Variants in DPH1 observed in about 807,000 individuals in gnomAD.
DPH1 encodes 2-(3-amino-3-carboxypropyl)histidine synthase subunit 1.
A neutral mutation model predicts 55.3 loss-of-function variants in DPH1; 59 were observed. The observed-to-expected ratio is 1.07, with a 90% CI of 0.87 to 1.33. The LOEUF is 1.33. Among genes scored for constraint, DPH1 ranks in the 40% most tolerant of loss-of-function variants. DPH1 has a pLI of 0.00. For synonymous variants in DPH1, 238 were observed against 235.5 expected (o/e 1.01, Z -0.10); for missense variants, 628 against 584.8 (o/e 1.07, Z -0.76).
chr17:2,039,935 A>T, intron 7 of DPH1, 112 bp downstream of exon 7: 3 of 1,503,248 alleles, frequency 2.0e-6, no homozygotes, highest in Admixed American at 3.4e-5. Flanking sequence ...CACCAGCCCT[A>T]AGGGTCTGAG....
At position 2,036,294 on chromosome 17, in the gene DPH1, G is replaced by C; in HGVS notation, c.400+203G>C. ...GCCTTGGCAACGGTGCTCTGTCCCAGATGCAGGTGTTTGAAAGGCTGTTGG... is the reference window on the plus strand; with the variant it reads ...GCCTTGGCAACGGTGCTCTGTCCCACATGCAGGTGTTTGAAAGGCTGTTGG... On this transcript the variant is annotated intron_variant, in intron 4 of 12. Transcript: ENST00000263083. The surrounding 1 kb of genome is among the most constrained non-coding windows in gnomAD (Gnocchi z 4.8). 8.9e-7 allele frequency: 1 copy of C among 1,123,994 alleles called. No individual in the cohort carries two copies. Among genetic ancestry groups the C allele is most frequent in the Non-Finnish European group, 1.2e-6 (1 of 814,472 alleles). The allele number at this position is 1,123,994 out of a possible 1,614,324, so 69.6% of individuals were successfully genotyped here. A position where few individuals can be genotyped will look rare whatever the true frequency, so the allele number is the denominator to read the frequency against.
At position 2,040,071 on chromosome 17, in the gene DPH1, A is replaced by T. The variant is rs1403705871; in HGVS notation, c.750-147A>T. 3 of 1,233,962 alleles carry T rather than the reference A, an allele frequency of 2.4e-6. No homozygotes were observed. In the East Asian group the frequency reaches 7.2e-5, roughly 29 times the overall value. The allele number at this position is 1,233,962 out of a possible 1,614,324, so 76.4% of individuals were successfully genotyped here. ...CTCCAGCTGTGGGACAGGTCTTCCT[A>T]ATGACAGTCCCCGCTCTTGCCTCTG... On this transcript the variant is annotated intron_variant, in intron 7 of 12. Transcript: ENST00000263083.
At chr17:2,042,190 T>C (rs1567549579) in intron 12 of DPH1, 1 of 1,430,358 alleles carries the variant, frequency 7.0e-7, no homozygotes, top group Non-Finnish European at 9.1e-7. Flanking sequence ...CCGCACCCGG[T>C]CCCCGACCCC....
intron 9 of DPH1, 111 bp from the exon 10 acceptor site, chr17:2,040,992 C>A: frequency 9.5e-7 from 1 of 1,055,186 alleles, no homozygotes; most frequent in South Asian, 1.4e-5. Context: ...CTTTAGGATT[C>A]ATAAAGCCTG....
chr17:2,041,654 C>T (rs117243219), intron 11 of DPH1, 33 bp downstream of exon 11: 3 of 1,589,072 alleles, frequency 1.9e-6, no homozygotes, highest in Non-Finnish European at 1.7e-6. Flanking sequence ...GAGGAGAGAC[C>T]GCGCCTGGGC....
intron 3 of DPH1, among the ~76,000 whole-genome samples, chr17:2,035,576 G>A (rs1041440698): frequency 5.9e-5 from 9 of 152,174 alleles, no homozygotes; most frequent in Admixed American, 1.3e-4. Flanking sequence ...ATACAGCCAC[G>A]CCCATGCCCA....
chr17:2,043,240 T>C lies in DPH1; in HGVS notation c.*654T>C. 9.1e-7 allele frequency: 1 copy of C among 1,099,390 alleles called. No individual in the cohort carries two copies. Among genetic ancestry groups the C allele is most frequent in the Non-Finnish European group, 1.3e-6 (1 of 774,882 alleles). 68.1% of individuals were successfully genotyped at this position (1,099,390 alleles called of 1,614,324 possible). A position where few individuals can be genotyped will look rare whatever the true frequency, so the allele number is the denominator to read the frequency against. ...CCAGTTAAGAGACAACTATCAATTCTTGAGACCCAAATTATAAGGGCCCTG... is the reference window on the plus strand; with the variant it reads ...CCAGTTAAGAGACAACTATCAATTCCTGAGACCCAAATTATAAGGGCCCTG... On this transcript the variant is annotated 3_prime_UTR_variant, in exon 13 of 13. Transcript: ENST00000263083.
At chr17:2,034,329 A>C (rs1303602113) in intron 3 of DPH1, among the ~76,000 whole-genome samples, 1 of 151,874 alleles carries the variant, frequency 6.6e-6, no homozygotes, top group East Asian at 1.9e-4. Flanking sequence ...TGTCACTCTA[A>C]GTTTCTGCAA....
At chr17:2,038,549 C>T (rs558632541) in intron 6 of DPH1, among the ~76,000 whole-genome samples, 5 of 152,268 alleles carry the variant, frequency 3.3e-5, no homozygotes, top group South Asian at 4.1e-4. Context: ...TCAGATCCGC[C>T]GCGGCATTAG....
intron 1 of DPH1, among the ~76,000 whole-genome samples, chr17:2,030,933 C>A (rs892096181): frequency 6.6e-6 from 1 of 152,202 alleles, no homozygotes; most frequent in Non-Finnish European, 1.5e-5. Flanking sequence ...CTCCGCTGGA[C>A]CATCCCCACC....
intron 1 of DPH1, among the ~76,000 whole-genome samples, chr17:2,033,230 G>T (rs1478771850): frequency 6.6e-6 from 1 of 152,184 alleles, no homozygotes; most frequent in African/African-American, 2.4e-5. Context: ...ATATGTCAAG[G>T]TGTTATGTGT....
Position 2,033,805 on chromosome 17 carries a change from C to T in DPH1, c.241C>T (p.Leu81Phe), listed in dbSNP as rs750506695. ...GGCCTTGCAAATGCCGGAAGGCCTC[C>T]TCCTCTTTGCCTGTACCATTGTGGA... is the stretch of plus-strand genomic sequence containing the variant. ...KVALQMPEGL[L>F]LFACTIVDIL... Residue 81 changes from leucine (L) to phenylalanine (F), a missense_variant, in exon 3 of 13, where the codon CTC becomes TTC. Leu to Phe is a conservative substitution (Grantham distance 22, BLOSUM62 0). Transcript: ENST00000263083. 2 of 1,614,114 alleles carry T rather than the reference C, an allele frequency of 1.2e-6. No homozygotes were observed. The highest frequency in any genetic ancestry group is 2.7e-5 in the African/African-American group (2 of 74,942).
At chr17:2,041,003 T>A in intron 9 of DPH1, 100 bp from the exon 10 acceptor site, 4 of 1,143,316 alleles carry the variant, frequency 3.5e-6, no homozygotes, top group Non-Finnish European at 5.1e-6. Context: ...ATAAAGCCTG[T>A]TAATGAATGG....
At chr17:2,032,717 G>A (rs2067347008) in intron 1 of DPH1, among the ~76,000 whole-genome samples, 1 of 152,146 alleles carries the variant, frequency 6.6e-6, no homozygotes, top group Non-Finnish European at 1.5e-5. Context: ...ACTTCCTGAT[G>A]GCTTACAAGC....
chr17:2,039,666 C>G (rs546959900), intron 6 of DPH1, 89 bp from the exon 7 acceptor site: 131 of 1,542,130 alleles, frequency 8.5e-5, no homozygotes, highest in Non-Finnish European at 1.1e-4. Context: ...CGTGAGCCAC[C>G]GCGCCCGGCC....
intron 7 of DPH1, among the ~76,000 whole-genome samples, 174 bp downstream of exon 7, chr17:2,039,997 C>T (rs1037303080): frequency 1.3e-5 from 2 of 152,216 alleles, no homozygotes; most frequent in African/African-American, 4.8e-5. Context: ...GTTGCCTACC[C>T]GTCTCCTGGG....
rs776469943 is a variant in DPH1, at chr17:2,041,684, C to T, written c.1227+63C>T. Reference sequence around the variant, plus strand: ...CTGGGCACTGGCCGCCGCCCTGCGACCGCGACGGGAAACGCACAGGAGCGG... The same window carrying T: ...CTGGGCACTGGCCGCCGCCCTGCGATCGCGACGGGAAACGCACAGGAGCGG... On this transcript the variant is annotated intron_variant, in intron 11 of 12. Transcript: ENST00000263083. 3 of 1,577,630 alleles carry T rather than the reference C, an allele frequency of 1.9e-6. No homozygotes were observed. In the East Asian group the frequency reaches 7.0e-5, roughly 37 times the overall value.
intron 1 of DPH1, among the ~76,000 whole-genome samples, 193 bp downstream of exon 1, chr17:2,030,423 T>C (rs2067315494): frequency 6.6e-6 from 1 of 152,210 alleles, no homozygotes; most frequent in Admixed American, 6.5e-5. Flanking sequence ...CTTTTGCAGC[T>C]TTAGGGCACG....
chr17:2,035,432 A>AGGGGGTGG (rs2067402508), intron 3 of DPH1, among the ~76,000 whole-genome samples: 655 of 19,110 alleles, frequency 0.034, 37 homozygotes, highest in Admixed American at 0.055. Flanking sequence ...TCCGGACGAG[A>AGGGGGTGG]GGGCCCTGCC....
Sources: gnomAD v4.1 joint callset for allele counts (sites outside exome capture counted in the v4.1 genomes callset) on GRCh38, gnomAD v4.1.1 for gene constraint, Gnocchi (gnomAD v3.1) non-coding constraint, MANE v1.5 for transcripts, NCBI Gene and HGNC (gene_info 2026-07-23, HGNC 2026-07-21) for gene names.